UNC13B: variants seen among roughly 807,000 people sequenced by gnomAD.
UNC13B encodes unc-13 homolog B.
A neutral mutation model predicts 211.0 loss-of-function variants in UNC13B; 144 were observed. The ratio of observed to expected loss-of-function variants is 0.68; its 90% CI spans 0.60 to 0.78. UNC13B has a LOEUF of 0.78. Among genes scored for constraint, UNC13B ranks in the 30% least tolerant of loss-of-function variants. UNC13B has a pLI of 0.00. For synonymous variants in UNC13B, 709 were observed against 725.8 expected, an observed-to-expected ratio of 0.98 and a Z score of 0.37; for missense variants, 1,777 against 2,002.0, an observed-to-expected ratio of 0.89 and a Z score of 2.14.
intron 20 of UNC13B, 119 bp from the exon 21 acceptor site, chr9:35,382,238 G>A: frequency 1.5e-6 from 2 of 1,368,988 alleles, no homozygotes; most frequent in Admixed American, 4.5e-5. Flanking sequence ...CCCTAGGCAA[G>A]AGAGGGCAGC....
At chr9:35,335,985 G>C (rs1831634908) in intron 11 of UNC13B, among the ~76,000 whole-genome samples, 1 of 152,116 alleles carries the variant, frequency 6.6e-6, no homozygotes, top group South Asian at 2.1e-4. Context: ...TTACAGGCCT[G>C]AGTCACTGCG....
At chr9:35,219,759 A>G (rs1267246208) in intron 1 of UNC13B, among the ~76,000 whole-genome samples, 4 of 152,172 alleles carry the variant, frequency 2.6e-5, no homozygotes, top group Non-Finnish European at 5.9e-5. Flanking sequence ...ATTAGTCAAG[A>G]TTAAAAAAAT....
At chr9:35,289,848 G>C (rs554241885) in intron 7 of UNC13B, among the ~76,000 whole-genome samples, 1 of 152,058 alleles carries the variant, frequency 6.6e-6, no homozygotes, top group South Asian at 2.1e-4. Context: ...GTGTTGGTAG[G>C]CGCCTGTAAT....
intron 1 of UNC13B, among the ~76,000 whole-genome samples, chr9:35,219,056 G>A (rs12685290): frequency 0.55 from 83,445 of 152,130 alleles, 23,204 homozygotes; most frequent in Middle Eastern, 0.58. Flanking sequence ...GCCAGTGTTC[G>A]TGTTTATTTT....
chr9:35,366,154 GA>G (rs1833757593), intron 11 of UNC13B, among the ~76,000 whole-genome samples: 1 of 152,206 alleles, frequency 6.6e-6, no homozygotes, highest in Non-Finnish European at 1.5e-5. Flanking sequence ...CTGTTAGCCT[GA>G]AAAAAGCATG....
At chr9:35,365,473 G>A (rs2132150767) in intron 11 of UNC13B, among the ~76,000 whole-genome samples, 1 of 152,290 alleles carries the variant, frequency 6.6e-6, no homozygotes, top group Non-Finnish European at 1.5e-5. Flanking sequence ...GTGGTTTCTG[G>A]CAAATATCTC....
At chr9:35,391,785 T>C (rs779691711) in intron 26 of UNC13B, among the ~76,000 whole-genome samples, 2 of 151,988 alleles carry the variant, frequency 1.3e-5, no homozygotes, top group Non-Finnish European at 2.9e-5. Flanking sequence ...AGAGAAGTAG[T>C]GTGAGGTGGG....
At chr9:35,208,614 A>G (rs776217972) in intron 1 of UNC13B, among the ~76,000 whole-genome samples, 1 of 152,180 alleles carries the variant, frequency 6.6e-6, no homozygotes, top group Non-Finnish European at 1.5e-5. Context: ...AAGCAAGAGC[A>G]AGAGTGGGGA....
At chr9:35,280,472 G>A (rs1263635113) in intron 7 of UNC13B, among the ~76,000 whole-genome samples, 1 of 152,130 alleles carries the variant, frequency 6.6e-6, no homozygotes, top group Admixed American at 6.6e-5. Flanking sequence ...CTCCAGTCTA[G>A]GACTAAGACT....
intron 8 of UNC13B, 126 bp downstream of exon 8, chr9:35,296,056 T>A: frequency 1.3e-6 from 1 of 797,776 alleles, no homozygotes; most frequent in Non-Finnish European, 2.0e-6. Context: ...CCGGCCAAAC[T>A]ACAGTCATTT....
chr9:35,205,863 G>T (rs1190520781), intron 1 of UNC13B, among the ~76,000 whole-genome samples: 1 of 151,354 alleles, frequency 6.6e-6, no homozygotes, highest in East Asian at 1.9e-4. Flanking sequence ...GAACATTTGT[G>T]TATAAAATTT....
intron 1 of UNC13B, among the ~76,000 whole-genome samples, chr9:35,216,290 C>T (rs1463310343): frequency 6.6e-6 from 1 of 152,124 alleles, no homozygotes; most frequent in Non-Finnish European, 1.5e-5. Context: ...ATTGCTCCTG[C>T]TAAGTATAGC....
chr9:35,278,267 A>C (rs1828288255), intron 7 of UNC13B, among the ~76,000 whole-genome samples: 1 of 152,180 alleles, frequency 6.6e-6, no homozygotes, highest in Non-Finnish European at 1.5e-5. Context: ...AGATACGTAG[A>C]GTCCTCATTA....
intron 1 of UNC13B, among the ~76,000 whole-genome samples, chr9:35,219,869 G>A (rs1250479376): frequency 6.6e-6 from 1 of 151,770 alleles, no homozygotes; most frequent in African/African-American, 2.4e-5. Flanking sequence ...TTCCTTTTAG[G>A]GTTATTATTA....
chr9:35,385,215 A>C (rs1835113182), intron 22 of UNC13B: 1 of 985,348 alleles, frequency 1.0e-6, no homozygotes, highest in African/African-American at 1.7e-5. Context: ...TCACTCCAAA[A>C]GCAGTTCTGC....
Position 35,396,520 on chromosome 9 carries a change from C to G in UNC13B, c.11353C>G (p.Leu3785Val). 1 of 1,614,158 alleles carries G rather than the reference C, an allele frequency of 6.2e-7. No individual in the cohort carries two copies. Among genetic ancestry groups the G allele is most frequent in the Non-Finnish European group, 8.5e-7 (1 of 1,180,032 alleles). Residue 3785 changes from leucine (L) to valine (V), a missense_variant, in exon 27 of 40, where the codon CTG (leucine) becomes GTG (valine). By Grantham distance (32) the Leu-to-Val change is conservative. Transcript: ENST00000635942. ...HLCKSADYMN[L>V]HFKVKWLHNE... ...GTGTAAAAGTGCTGACTACATGAACCTGCACTTCAAGGTGAAGTGGCTCCA... is the reference window on the plus strand; with the variant it reads ...GTGTAAAAGTGCTGACTACATGAACGTGCACTTCAAGGTGAAGTGGCTCCA...
chr9:35,211,066 G>T (rs527834406), intron 1 of UNC13B, among the ~76,000 whole-genome samples: 2 of 152,138 alleles, frequency 1.3e-5, no homozygotes, highest in African/African-American at 2.4e-5. Context: ...GCAGTTTTGT[G>T]TGGCAAATAT....
At chr9:35,267,093 G>C (rs1328920429) in intron 7 of UNC13B, among the ~76,000 whole-genome samples, 4 of 152,186 alleles carry the variant, frequency 2.6e-5, no homozygotes, top group Non-Finnish European at 5.9e-5. Context: ...AAGTGACCAG[G>C]GGAGATACAT....
chr9:35,185,524 A>G (rs939004052), intron 1 of UNC13B, among the ~76,000 whole-genome samples: 13 of 152,324 alleles, frequency 8.5e-5, no homozygotes, highest in African/African-American at 3.1e-4. Context: ...TTTATTTAGC[A>G]AGAATGTTCT....
Sources: allele counts gnomAD v4.1 joint callset (sites outside exome capture counted in the v4.1 genomes callset), GRCh38; gene constraint gnomAD v4.1.1; transcripts MANE v1.5; gene names NCBI Gene and HGNC (gene_info 2026-07-23, HGNC 2026-07-21).